PTPRC: variants seen among roughly 807,000 people sequenced by gnomAD.
PTPRC encodes the protein receptor-type tyrosine-protein phosphatase C.
Under a neutral mutation model 155.9 loss-of-function variants are expected in PTPRC, and 44 were observed. The observed-to-expected ratio is 0.28, with a 90% CI of 0.22 to 0.36. The LOEUF (loss-of-function observed/expected upper bound fraction) is 0.36, where lower values mean the gene tolerates loss of function less well. Among genes scored for constraint, PTPRC ranks in the 10% least tolerant of loss-of-function variants. PTPRC has a pLI of 1.00. For synonymous variants in PTPRC, 525 were observed against 533.1 expected (o/e 0.98, Z 0.21); for missense variants, 1,401 against 1,564.6 (o/e 0.90, Z 1.76).
chr1:198,652,232 G>A (rs984890065), intron 2 of PTPRC, among the ~76,000 whole-genome samples: 9 of 151,756 alleles, frequency 5.9e-5, no homozygotes, highest in Non-Finnish European at 1.3e-4. Flanking sequence ...ATATAAAGCC[G>A]CAGTTTAAGC....
intron 2 of PTPRC, among the ~76,000 whole-genome samples, chr1:198,679,416 T>C (rs1665164986): frequency 1.0e-5 from 1 of 98,326 alleles, no homozygotes; most frequent in Admixed American, 1.0e-4. Flanking sequence ...TTTTTTTTTT[T>C]GTATTTTTGT....
chr1:198,732,047 C>T (rs1388682448), intron 18 of PTPRC, among the ~76,000 whole-genome samples: 2 of 151,830 alleles, frequency 1.3e-5, no homozygotes, highest in South Asian at 2.1e-4. Context: ...TTGATAGTGA[C>T]ACAACAACTA....
chr1:198,728,993 C>T (rs555675077), intron 16 of PTPRC, 144 bp from the exon 17 acceptor site: 3 of 859,694 alleles, frequency 3.5e-6, no homozygotes, highest in South Asian at 4.6e-5. Context: ...CCCTCCTTTC[C>T]TCTTCTCCTC....
In PTPRC at chr1:198,717,383, A is replaced by G. The variant is rs1653644546; in HGVS notation, c.1450+543A>G. On this transcript the variant is annotated intron_variant, in intron 13 of 32. Coordinates refer to ENST00000442510, the MANE Select transcript of PTPRC (RefSeq NM_002838.5). ...CTCTTGCCACTAGTATAATCTCTCCATAGTTTCCAGGCCCAAAGTTAGATC... is the reference window on the plus strand; with the variant it reads ...CTCTTGCCACTAGTATAATCTCTCCGTAGTTTCCAGGCCCAAAGTTAGATC... Among the ~76,000 whole-genome samples, 3 of 152,136 alleles carry G rather than the reference A, an allele frequency of 2.0e-5. No individual in the cohort carries two copies. The South Asian group carries it at 6.2e-4, about 31-fold the overall frequency.
intron 10 of PTPRC, 59 bp downstream of exon 10, chr1:198,708,320 T>C: frequency 6.7e-7 from 1 of 1,498,024 alleles, no homozygotes; most frequent in South Asian, 1.1e-5. Flanking sequence ...GTTCTAGATA[T>C]TATTTAATCT....
At chr1:198,722,375 T>G in intron 14 of PTPRC, 41 bp from the exon 15 acceptor site, 13 of 1,052,642 alleles carry the variant, frequency 1.2e-5, no homozygotes, top group Middle Eastern at 3.0e-4. Context: ...TAAATTCACA[T>G]TAGCAAACTA....
intron 8 of PTPRC, among the ~76,000 whole-genome samples, chr1:198,705,010 GAT>G (rs1332629947): frequency 6.6e-6 from 1 of 152,052 alleles, no homozygotes; most frequent in Admixed American, 6.6e-5. Context: ...ATAAAATGTG[GAT>G]AATACCTTCA....
rs1405959041 is a variant in PTPRC, at chr1:198,669,140, A to G, written c.74-23207A>G. On this transcript the variant is annotated intron_variant, in intron 2 of 32. Coordinates refer to ENST00000442510, the MANE Select transcript of PTPRC (RefSeq NM_002838.5). ...CCCAAAACTAGCAGATTGGGCAAAA[A>G]TTACAAAGAAATATCTAAGTGGTTG... 2.0e-5 allele frequency among the ~76,000 whole-genome samples: 3 copies of G among 152,244 alleles called. No homozygotes were observed. The South Asian group carries it at 6.2e-4, about 31-fold the overall frequency.
intron 2 of PTPRC, among the ~76,000 whole-genome samples, chr1:198,641,323 AC>A (rs1311039865): frequency 6.6e-6 from 1 of 152,070 alleles, no homozygotes; most frequent in Non-Finnish European, 1.5e-5. Flanking sequence ...TTTTTTAGCA[AC>A]AAATGAGTTG....
At chr1:198,731,402 A>G (rs774695025) in intron 17 of PTPRC, among the ~76,000 whole-genome samples, 1 of 152,050 alleles carries the variant, frequency 6.6e-6, no homozygotes, top group Non-Finnish European at 1.5e-5. Context: ...TCTAGTAGAG[A>G]GAACAATATA....
intron 14 of PTPRC, among the ~76,000 whole-genome samples, chr1:198,720,286 G>A (rs186509772): frequency 6.6e-5 from 10 of 152,154 alleles, no homozygotes; most frequent in African/African-American, 1.9e-4. Flanking sequence ...AAAACACATT[G>A]CTTATATGTT....
chr1:198,643,486 T>C (rs979868388), intron 2 of PTPRC, among the ~76,000 whole-genome samples: 1 of 151,922 alleles, frequency 6.6e-6, no homozygotes, highest in African/African-American at 2.4e-5. Flanking sequence ...TTTGTCCAGA[T>C]TAAATTAAGT....
In PTPRC at chr1:198,756,285, A is replaced by C; in HGVS notation, c.*104A>C. On this transcript the variant is annotated 3_prime_UTR_variant, in exon 33 of 33. Coordinates refer to ENST00000442510, the MANE Select transcript of PTPRC (RefSeq NM_002838.5). The stretch of plus-strand genomic sequence containing the variant: ...GGTATACAGTGGATTAATTAAATGC[A>C]GCGAACCAATATTTGTAGAAGGGTT... 1 of 1,397,688 alleles carries C rather than the reference A, an allele frequency of 7.2e-7. No individual in the cohort carries two copies. Among genetic ancestry groups the C allele is most frequent in the Non-Finnish European group, 9.9e-7 (1 of 1,011,236 alleles). 86.6% of individuals were successfully genotyped at this position (1,397,688 alleles called of 1,614,324 possible). A position where few individuals can be genotyped will look rare whatever the true frequency, so the allele number is the denominator to read the frequency against.
At chr1:198,695,985 C>A (rs1290281774) in intron 3 of PTPRC, among the ~76,000 whole-genome samples, 1 of 151,976 alleles carries the variant, frequency 6.6e-6, no homozygotes, top group East Asian at 1.9e-4. Flanking sequence ...CATGGTGAAA[C>A]CCCATCTCTA....
chr1:198,747,990 G>A, intron 26 of PTPRC, 119 bp from the exon 27 acceptor site: 1 of 1,431,306 alleles, frequency 7.0e-7, no homozygotes, highest in Non-Finnish European at 9.4e-7. Context: ...GGCCTATAGG[G>A]AGCATATGCA....
At chr1:198,726,866 C>CTTTT (rs575567355) in intron 15 of PTPRC, among the ~76,000 whole-genome samples, 5 of 138,092 alleles carry the variant, frequency 3.6e-5, no homozygotes, top group Non-Finnish European at 4.8e-5. Context: ...CTTTTCTTTC[C>CTTTT]TTTTTTTTTT....
chr1:198,664,903 A>G (rs1664190688), intron 2 of PTPRC, among the ~76,000 whole-genome samples: 1 of 152,112 alleles, frequency 6.6e-6, no homozygotes, highest in South Asian at 2.1e-4. Context: ...CTCCCATATT[A>G]AAAATGGCTT....
intron 5 of PTPRC, among the ~76,000 whole-genome samples, 163 bp from the exon 6 acceptor site, chr1:198,702,224 T>C (rs1042577595): frequency 6.6e-6 from 1 of 152,198 alleles, no homozygotes; most frequent in Non-Finnish European, 1.5e-5. Context: ...GCCCTGGTAT[T>C]TTTGGTACAG....
chr1:198,655,039 A>G (rs1308437779), intron 2 of PTPRC, among the ~76,000 whole-genome samples: 1 of 151,984 alleles, frequency 6.6e-6, no homozygotes, highest in Admixed American at 6.6e-5. Flanking sequence ...AATCAAAATA[A>G]GTTAATTTGT....
Sources: gnomAD v4.1 joint callset for allele counts (sites outside exome capture counted in the v4.1 genomes callset) on GRCh38, gnomAD v4.1.1 for gene constraint, MANE v1.5 for transcripts, NCBI Gene and HGNC (gene_info 2026-07-23, HGNC 2026-07-21) for gene names.